CENPP: variants seen among roughly 807,000 people sequenced by gnomAD.
CENPP encodes the protein centromere protein P.
A neutral mutation model predicts 35.6 loss-of-function variants in CENPP; 24 were observed. That is an observed-to-expected ratio of 0.67 (90% CI 0.49 to 0.95). The LOEUF (loss-of-function observed/expected upper bound fraction) is 0.95, where lower values mean the gene tolerates loss of function less well. Ranked by LOEUF, CENPP falls within the 40% of genes least tolerant of loss-of-function variation. The probability of loss-of-function intolerance (pLI) is 0.00; values close to 1 mark genes in which losing one functional copy is unlikely to be tolerated. For missense variants in CENPP, 332 were observed against 345.3 expected, an observed-to-expected ratio of 0.96 and a Z score of 0.31; for synonymous variants, 120 against 125.5, an observed-to-expected ratio of 0.96 and a Z score of 0.29.
In CENPP at chr9:92,612,546, G is replaced by A; in HGVS notation, c.668G>A (p.Arg223Lys). The A allele has an allele frequency of 1.2e-6, 2 of 1,613,918 alleles. No homozygotes were observed. The highest frequency in any genetic ancestry group is 1.7e-6 in the Non-Finnish European group (2 of 1,179,834). Residue 223 changes from arginine to lysine, a missense_variant, in exon 7 of 8, where the codon AGG (arginine) becomes AAG (lysine). By Grantham distance (26) the Arg-to-Lys change is conservative. Coordinates refer to ENST00000375587, the MANE Select transcript of CENPP (RefSeq NM_001012267.3). ...AGGTTTGAATTAGTCATTGTTTGGA[G>A]GATACAAATAGATGAAGATGGGAAG... is the stretch of plus-strand genomic sequence containing the variant. ...RPGFELVIVWRIQIDEDGKVF... is the reference protein window; with the variant it reads ...RPGFELVIVWKIQIDEDGKVF...
At chr9:92,505,805 T>C in intron 5 of CENPP, 1 of 827,776 alleles carries the variant, frequency 1.2e-6, no homozygotes. Flanking sequence ...AAATACAGTT[T>C]TTTTTAAACC....
intron 1 of CENPP, among the ~76,000 whole-genome samples, chr9:92,327,298 A>G (rs1476423264): frequency 6.6e-6 from 1 of 152,212 alleles, no homozygotes; most frequent in Non-Finnish European, 1.5e-5. Context: ...TAGAGAGACT[A>G]TTTCTTAAAA....
At chr9:92,391,332 G>A (rs1842674740) in intron 5 of CENPP, among the ~76,000 whole-genome samples, 1 of 152,028 alleles carries the variant, frequency 6.6e-6, no homozygotes, top group Admixed American at 6.6e-5. Context: ...GCATGAACCT[G>A]GGAGGCGGAG....
At chr9:92,403,413 CAAA>C in intron 5 of CENPP, 1 of 1,589,262 alleles carries the variant, frequency 6.3e-7, no homozygotes. Flanking sequence ...TTCATTTTAG[CAAA>C]AATCAAGGTG....
At chr9:92,573,581 C>T (rs1487544895) in intron 5 of CENPP, among the ~76,000 whole-genome samples, 1 of 152,222 alleles carries the variant, frequency 6.6e-6, no homozygotes, top group Non-Finnish European at 1.5e-5. Context: ...TGTCCGTTCT[C>T]AGATCTCAAA....
At chr9:92,596,477 A>C (rs965393868) in intron 5 of CENPP, among the ~76,000 whole-genome samples, 1 of 150,210 alleles carries the variant, frequency 6.7e-6, no homozygotes, top group Non-Finnish European at 1.5e-5. Context: ...AAAAGAAAGA[A>C]TAGAAAAATA....
intron 5 of CENPP, chr9:92,600,635 G>A: frequency 2.7e-6 from 4 of 1,485,548 alleles, no homozygotes; most frequent in East Asian, 2.4e-5. Flanking sequence ...TGCCCTGGTC[G>A]GCCATCCCTT....
intron 5 of CENPP, chr9:92,393,233 A>C: frequency 1.9e-6 from 3 of 1,574,046 alleles, no homozygotes; most frequent in Non-Finnish European, 2.6e-6. Flanking sequence ...CACAGCAGAC[A>C]CGTGGGCATT....
intron 5 of CENPP, chr9:92,474,841 A>T (rs770709159): frequency 9.9e-6 from 16 of 1,613,864 alleles, no homozygotes; most frequent in African/African-American, 1.3e-5. Flanking sequence ...GTGAAGGGCT[A>T]AAGAAGGGTT....
At chr9:92,381,838 C>T (rs2130870483) in intron 5 of CENPP, among the ~76,000 whole-genome samples, 1 of 152,022 alleles carries the variant, frequency 6.6e-6, no homozygotes, top group East Asian at 1.9e-4. Flanking sequence ...CCATTTTACA[C>T]CAGCAAAGCA....
chr9:92,549,466 G>C (rs1295915047), intron 5 of CENPP, among the ~76,000 whole-genome samples: 1 of 152,112 alleles, frequency 6.6e-6, no homozygotes, highest in Non-Finnish European at 1.5e-5. Context: ...GGCCAATGTG[G>C]TGAAACACCG....
chr9:92,426,333 A>G (rs1843966028), intron 5 of CENPP, among the ~76,000 whole-genome samples: 1 of 152,166 alleles, frequency 6.6e-6, no homozygotes, highest in South Asian at 2.1e-4. Flanking sequence ...AAGCTGAGTG[A>G]CACAGGACTG....
At chr9:92,399,578 A>G (rs1843026012) in intron 5 of CENPP, among the ~76,000 whole-genome samples, 1 of 151,826 alleles carries the variant, frequency 6.6e-6, no homozygotes, top group Admixed American at 6.6e-5. Flanking sequence ...GTTCTGTTCT[A>G]TTGTTGTCTC....
chr9:92,532,993 T>C (rs923828307), intron 5 of CENPP, among the ~76,000 whole-genome samples: 1 of 152,000 alleles, frequency 6.6e-6, no homozygotes, highest in African/African-American at 2.4e-5. Flanking sequence ...GGCTTCACCA[T>C]ATTGAATTAA....
At position 92,579,464 on chromosome 9, in the gene CENPP, T is replaced by C. The variant is rs1397766322; in HGVS notation, c.565-31850T>C. On this transcript the variant is annotated intron_variant, in intron 5 of 7. Transcript: ENST00000375587. ...AATGTTCTTCCATTTGTTTGTATCCTCTTTTATTTCGTTGAGCAGTGGTTT... is the reference window on the plus strand; with the variant it reads ...AATGTTCTTCCATTTGTTTGTATCCCCTTTTATTTCGTTGAGCAGTGGTTT... Among the ~76,000 whole-genome samples the C allele has an allele frequency of 8.6e-5, 13 of 150,954 alleles. 1 individual carries two copies.
At chr9:92,461,470 T>A (rs1845107566) in intron 5 of CENPP, among the ~76,000 whole-genome samples, 1 of 152,208 alleles carries the variant, frequency 6.6e-6, no homozygotes, top group Non-Finnish European at 1.5e-5. Flanking sequence ...ACATACTCCC[T>A]CCTTTTTTCT....
chr9:92,486,569 C>T (rs1288294745), intron 5 of CENPP, among the ~76,000 whole-genome samples: 1 of 152,196 alleles, frequency 6.6e-6, no homozygotes. Flanking sequence ...TTCTCTGCTG[C>T]CCTGACCTCC....
chr9:92,438,590 T>TGTC (rs1844303382), intron 5 of CENPP, among the ~76,000 whole-genome samples: 1 of 152,234 alleles, frequency 6.6e-6, no homozygotes, highest in African/African-American at 2.4e-5. Context: ...GAGATTGGTG[T>TGTC]GTCTACATCT....
intron 5 of CENPP, chr9:92,517,565 A>G (rs1465001621): frequency 7.4e-7 from 1 of 1,345,200 alleles, no homozygotes; most frequent in Admixed American, 2.0e-5. Flanking sequence ...GCATTTTGCC[A>G]ATATTTTAAG....
Sources: gnomAD v4.1 joint callset for allele counts (sites outside exome capture counted in the v4.1 genomes callset) on GRCh38, gnomAD v4.1.1 for gene constraint, MANE v1.5 for transcripts, NCBI Gene and HGNC (gene_info 2026-07-23, HGNC 2026-07-21) for gene names.